MARCHF1: variants seen among roughly 807,000 people sequenced by gnomAD.
MARCHF1 encodes E3 ubiquitin-protein ligase MARCHF1.
A neutral mutation model predicts 54.2 loss-of-function variants in MARCHF1; 40 were observed. The ratio of observed to expected loss-of-function variants is 0.74; its 90% CI spans 0.57 to 0.96. MARCHF1 has a LOEUF of 0.96. Ranked by LOEUF, MARCHF1 falls within the 40% of genes least tolerant of loss-of-function variation. MARCHF1 has a pLI of 0.00. For synonymous variants in MARCHF1, 236 were observed against 236.3 expected (o/e 1.00, Z 0.01); for missense variants, 586 against 656.5 (o/e 0.89, Z 1.17).
intron 3 of MARCHF1, among the ~76,000 whole-genome samples, chr4:163,975,808 G>T (rs1031383816): frequency 6.6e-6 from 1 of 152,138 alleles, no homozygotes. Context: ...AAATAGAAAA[G>T]AGTTTATCTC....
intron 8 of MARCHF1, among the ~76,000 whole-genome samples, chr4:163,577,581 A>G (rs1342715292): frequency 6.6e-6 from 1 of 151,984 alleles, no homozygotes; most frequent in Non-Finnish European, 1.5e-5. Context: ...TTTTGATAGT[A>G]TCTTGCAGGT....
intron 1 of MARCHF1, among the ~76,000 whole-genome samples, chr4:164,326,043 T>C (rs1348366639): frequency 6.6e-6 from 1 of 152,326 alleles, no homozygotes; most frequent in East Asian, 1.9e-4. Context: ...CATTTCTTAA[T>C]ACTAAAATAT....
chr4:164,026,989 A>G (rs1249428098), intron 2 of MARCHF1, among the ~76,000 whole-genome samples: 2 of 152,046 alleles, frequency 1.3e-5, no homozygotes, highest in East Asian at 3.9e-4. Context: ...CATTTACAAT[A>G]GCCACAAAAA....
At chr4:163,840,226 T>C (rs1346088294) in intron 4 of MARCHF1, among the ~76,000 whole-genome samples, 1 of 152,146 alleles carries the variant, frequency 6.6e-6, no homozygotes, top group Admixed American at 6.6e-5. Flanking sequence ...CTGTAATGGT[T>C]TTATTCCTTT....
intron 4 of MARCHF1, among the ~76,000 whole-genome samples, chr4:163,828,357 C>G (rs1452105831): frequency 1.3e-5 from 2 of 152,096 alleles, no homozygotes; most frequent in South Asian, 2.1e-4. Context: ...ATCATTCTTT[C>G]TTTCCTCATT....
chr4:163,707,786 T>TAAAAAAA (rs777522371), intron 4 of MARCHF1, among the ~76,000 whole-genome samples: 1 of 65,908 alleles, frequency 1.5e-5, no homozygotes, highest in Non-Finnish European at 3.5e-5. Flanking sequence ...TGTTTTGAAC[T>TAAAAAAA]AAAAAAAAAA....
chr4:163,709,676 A>G (rs555507766), intron 4 of MARCHF1, among the ~76,000 whole-genome samples: 1 of 152,326 alleles, frequency 6.6e-6, no homozygotes, highest in South Asian at 2.1e-4. Context: ...TTATTTATTC[A>G]GTCAAGTGGG....
chr4:164,242,691 G>C (rs1380890115), intron 1 of MARCHF1, among the ~76,000 whole-genome samples: 1 of 152,112 alleles, frequency 6.6e-6, no homozygotes, highest in Non-Finnish European at 1.5e-5. Context: ...AGCTACGGGA[G>C]GACATTCAAA....
At chr4:163,997,993 T>C (rs890475443) in intron 2 of MARCHF1, among the ~76,000 whole-genome samples, 16 of 150,642 alleles carry the variant, frequency 1.1e-4, no homozygotes, top group African/African-American at 7.3e-5. Context: ...AAAAAAGATA[T>C]AAGTAACAAA....
intron 4 of MARCHF1, among the ~76,000 whole-genome samples, chr4:163,803,617 C>T (rs1748144605): frequency 6.6e-6 from 1 of 152,238 alleles, no homozygotes; most frequent in South Asian, 2.1e-4. Context: ...ATAGTGCCCA[C>T]TTGAGATTAT....
At chr4:164,104,218 CTA>C (rs1455313310) in intron 2 of MARCHF1, among the ~76,000 whole-genome samples, 1 of 142,374 alleles carries the variant, frequency 7.0e-6, no homozygotes, top group African/African-American at 2.7e-5. Context: ...CCTTCTGAAA[CTA>C]TTCCAATCAA....
At chr4:163,966,048 C>G (rs921705887) in intron 3 of MARCHF1, among the ~76,000 whole-genome samples, 5 of 151,992 alleles carry the variant, frequency 3.3e-5, no homozygotes, top group African/African-American at 1.2e-4. Flanking sequence ...TTATTACAAA[C>G]AGCTACTGTT....
intron 4 of MARCHF1, among the ~76,000 whole-genome samples, chr4:163,742,397 C>CCCTTCCTT (rs201806407): frequency 0.046 from 4,194 of 91,216 alleles, 234 homozygotes; most frequent in East Asian, 0.21. Context: ...CTTCCTTCCT[C>CCCTTCCTT]CCTTCCTTCC....
At chr4:164,108,052 CT>C (rs922939550) in intron 2 of MARCHF1, among the ~76,000 whole-genome samples, 26 of 151,874 alleles carry the variant, frequency 1.7e-4, no homozygotes, top group African/African-American at 3.1e-4. Context: ...TTTGTCCTAC[CT>C]TTTTTTTCTT....
intron 1 of MARCHF1, among the ~76,000 whole-genome samples, chr4:164,156,954 A>G (rs908409182): frequency 5.9e-5 from 9 of 152,340 alleles, no homozygotes; most frequent in African/African-American, 2.2e-4. Flanking sequence ...CATGCGTTAA[A>G]GAACTTGATT....
intron 4 of MARCHF1, among the ~76,000 whole-genome samples, chr4:163,801,774 T>A (rs539773387): frequency 6.6e-6 from 1 of 152,236 alleles, no homozygotes; most frequent in South Asian, 2.1e-4. Context: ...AGAATAACAA[T>A]AAACACACTT....
intron 2 of MARCHF1, among the ~76,000 whole-genome samples, chr4:163,994,019 T>C (rs543572860): frequency 1.3e-5 from 2 of 152,142 alleles, no homozygotes. Context: ...TACAAGCTAA[T>C]CTTTGTTAAT....
chr4:164,018,063 T>TG (rs1484783461), intron 2 of MARCHF1, among the ~76,000 whole-genome samples: 1 of 151,736 alleles, frequency 6.6e-6, no homozygotes, highest in African/African-American at 2.4e-5. Flanking sequence ...TAATTATATA[T>TG]TTTTTAAACC....
chr4:163,579,356 T>TA (rs772271780), intron 8 of MARCHF1, among the ~76,000 whole-genome samples: 1 of 152,238 alleles, frequency 6.6e-6, no homozygotes, highest in Non-Finnish European at 1.5e-5. Context: ...AAAAAATTAG[T>TA]AAAAAAGATT....
Sources: allele counts gnomAD v4.1 joint callset (sites outside exome capture counted in the v4.1 genomes callset), GRCh38; gene constraint gnomAD v4.1.1; transcripts MANE v1.5; gene names NCBI Gene and HGNC (gene_info 2026-07-23, HGNC 2026-07-21).